AKR1C3: variants seen among roughly 807,000 people sequenced by gnomAD.
AKR1C3 encodes the protein 3-alpha hydroxysteroid dehydrogenase, type II.
In AKR1C3, 48 loss-of-function variants were observed where a neutral mutation model predicts 43.6. That is an observed-to-expected ratio of 1.10 (90% confidence interval 0.87 to 1.40). The LOEUF (loss-of-function observed/expected upper bound fraction) is 1.40, where lower values mean the gene tolerates loss of function less well. Among genes scored for constraint, AKR1C3 ranks in the 40% most tolerant of loss-of-function variants. The pLI, the probability that AKR1C3 is intolerant of heterozygous loss-of-function variation, is 0.00. For missense variants in AKR1C3, 482 were observed against 391.2 expected, an observed-to-expected ratio of 1.23 and a Z score of -1.96; for synonymous variants, 162 against 139.6, an observed-to-expected ratio of 1.16 and a Z score of -1.13.
At chr10:5,059,626 C>T (rs140153888) in intron 1 of AKR1C3, among the ~76,000 whole-genome samples, 3,880 of 152,220 alleles carry the variant, frequency 0.025, 146 homozygotes, top group African/African-American at 0.088. Flanking sequence ...GTCCAGCGGC[C>T]GCACTAGTCC....
intron 5 of AKR1C3, 99 bp from the exon 6 acceptor site, chr10:5,102,002 G>A: frequency 4.0e-6 from 3 of 756,256 alleles, no homozygotes; most frequent in Non-Finnish European, 6.8e-6. Flanking sequence ...CAAATATAAT[G>A]CTATACTGAT....
chr10:5,074,516 G>A (rs559708661), intron 1 of AKR1C3, among the ~76,000 whole-genome samples: 46 of 152,216 alleles, frequency 3.0e-4, no homozygotes, highest in Admixed American at 6.5e-4. Context: ...ATTAACTGAC[G>A]GTCTGACATC....
rs182014382 is a variant in AKR1C3, at chr10:5,058,341, T to C, written c.84+9446T>C. On this transcript the variant is annotated intron_variant, in intron 1 of 8. Transcript: ENST00000439082. The stretch of plus-strand genomic sequence containing the variant: ...AAAGGTCAAGCTCTGCAGGATAGTA[T>C]TGTAATTTGTACTTCCCTCAGGTGG... 2.2e-3 allele frequency among the ~76,000 whole-genome samples: 333 copies of C among 152,148 alleles called. 2 individuals carry two copies. The highest frequency in any genetic ancestry group is 7.8e-3 in the African/African-American group (324 of 41,416).
rs587774943 is a variant in AKR1C3, at chr10:5,107,620, G to T, written c.*117G>T. On this transcript the variant is annotated 3_prime_UTR_variant, in exon 9 of 9. Transcript: ENST00000380554. ...TCTACTTAAATCCGTCCTGTTTAGC[G>T]ACTTCAGTCAACTACAGCTGAGTCC... The T allele has an allele frequency of 4.0e-6, 3 of 748,248 alleles. No homozygotes were observed. The South Asian group carries it at 5.3e-5, about 13-fold the overall frequency. 46.4% of individuals were successfully genotyped at this position (748,248 alleles called of 1,614,324 possible). A position where few individuals can be genotyped will look rare whatever the true frequency, so the allele number is the denominator to read the frequency against.
rs373299522 is a variant in AKR1C3, at chr10:5,096,204, A to G, written c.85-206A>G. 143 of 543,816 alleles carry G rather than the reference A, an allele frequency of 2.6e-4. 1 individual carries two copies. In the East Asian group the frequency reaches 3.8e-3, roughly 14 times the overall value. 33.7% of individuals were successfully genotyped at this position (543,816 alleles called of 1,614,324 possible). ...TTTGGTACCTCCATAACAGTGATCA[A>G]CCAGAGATTGCCTGAGACTGAAGGT... On this transcript the variant is annotated intron_variant, in intron 1 of 8. Coordinates refer to ENST00000380554, the MANE Select transcript of AKR1C3 (RefSeq NM_003739.6).
chr10:5,093,143 C>T (rs782013054), upstream of AKR1C3, among the ~76,000 whole-genome samples: 6 of 151,976 alleles, frequency 3.9e-5, no homozygotes, highest in South Asian at 2.1e-4. Flanking sequence ...ATGGGTTAGA[C>T]GGACTATTGC....
rs180721796 is a variant in AKR1C3, at chr10:5,058,666, G to A, written c.84+9771G>A. Among the ~76,000 whole-genome samples the A allele has an allele frequency of 3.3e-5, 5 of 152,282 alleles. No individual in the cohort carries two copies. The East Asian group carries it at 5.8e-4, about 18-fold the overall frequency. On this transcript the variant is annotated intron_variant, in intron 1 of 8. Coordinates refer to the AKR1C3 transcript ENST00000439082. ...CAACCCCTGCCCAAGAACCTGCAAT[G>A]GTCCGTGGACCCTGCTGGTTGGAAT...
chr10:5,106,538 G>A (rs1839504318), intron 8 of AKR1C3, among the ~76,000 whole-genome samples: 1 of 152,096 alleles, frequency 6.6e-6, no homozygotes, highest in Admixed American at 6.6e-5. Context: ...ATCGACTGAG[G>A]TCAGGAGTTC....
upstream of AKR1C3, among the ~76,000 whole-genome samples, chr10:5,091,811 G>T (rs1162325507): frequency 1.3e-5 from 2 of 152,016 alleles, no homozygotes; most frequent in East Asian, 1.9e-4. Flanking sequence ...TATTTTAAAC[G>T]TTGAAGAAGT....
At chr10:5,074,588 T>C (rs1554781630) in intron 1 of AKR1C3, among the ~76,000 whole-genome samples, 2 of 152,222 alleles carry the variant, frequency 1.3e-5, no homozygotes, top group African/African-American at 2.4e-5. Flanking sequence ...CTGTGAGGTT[T>C]CATTGACATA....
intron 2 of AKR1C3, 88 bp downstream of exon 2, chr10:5,096,665 G>A: frequency 6.9e-7 from 1 of 1,454,914 alleles, no homozygotes; most frequent in South Asian, 1.7e-5. Context: ...AGTAGTTGTG[G>A]GTGAATTTTG....
intron 1 of AKR1C3, among the ~76,000 whole-genome samples, chr10:5,052,140 T>C (rs1203550530): frequency 6.6e-6 from 1 of 152,118 alleles, no homozygotes; most frequent in African/African-American, 2.4e-5. Context: ...CATGGTCGCG[T>C]TGGCTCAGGA....
chr10:5,102,733 T>C (rs1839389133), intron 7 of AKR1C3, 83 bp downstream of exon 7: 1 of 1,485,100 alleles, frequency 6.7e-7, no homozygotes, highest in East Asian at 2.4e-5. Flanking sequence ...CAGGACAGCC[T>C]TGGGCCAGCT....
intron 1 of AKR1C3, among the ~76,000 whole-genome samples, chr10:5,059,242 T>A (rs1311148332): frequency 2.0e-5 from 3 of 152,164 alleles, no homozygotes; most frequent in African/African-American, 7.2e-5. Context: ...TAGAAGTCAT[T>A]CTTATGGGAG....
At chr10:5,071,571 C>T (rs1838613151) in intron 1 of AKR1C3, among the ~76,000 whole-genome samples, 1 of 152,178 alleles carries the variant, frequency 6.6e-6, no homozygotes, top group Non-Finnish European at 1.5e-5. Context: ...AAATAGGCCT[C>T]GCCTTGGTCT....
At chr10:5,080,722 A>G (rs1012551080) in intron 1 of AKR1C3, 1 of 152,264 alleles carries the variant, frequency 6.6e-6, no homozygotes, top group Non-Finnish European at 1.5e-5. Flanking sequence ...GGAAGCCACT[A>G]TCTGTGTCTC....
chr10:5,107,475 C>A lies in AKR1C3; in HGVS notation c.944C>A (p.Pro315His), dbSNP rs782180550. Reference sequence around the variant, plus strand: ...TCTCTTTTCAGTTTTGCTAGCCACCCTAATTATCCATATTCAGATGAATAT... The same window carrying A: ...TCTCTTTTCAGTTTTGCTAGCCACCATAATTATCCATATTCAGATGAATAT... The part of the protein sequence containing the change: ...YFNSDSFASH[P>H]NYPYSDEY Residue 315 changes from proline (P) to histidine (H), a missense_variant, in exon 9 of 9, where the codon CCT (proline) becomes CAT (histidine). Transcript: ENST00000380554. 5 of 1,584,214 alleles carry A rather than the reference C, an allele frequency of 3.2e-6. No homozygotes were observed. In the South Asian group the frequency reaches 3.3e-5, roughly 11 times the overall value.
chr10:5,085,090 C>T (rs1315568630), intron 1 of AKR1C3, among the ~76,000 whole-genome samples: 75 of 152,084 alleles, frequency 4.9e-4, no homozygotes, highest in African/African-American at 1.7e-3. Flanking sequence ...GCCTGATTGC[C>T]CTGGCCAGAA....
rs543379728 is a variant in AKR1C3 at position 5,055,424 on chromosome 10, T to C, written c.84+6529T>C. On this transcript the variant is annotated intron_variant, in intron 1 of 8. Transcript: ENST00000439082. ...AGTGCCTAGTATCTAAGTAGGCAGT[T>C]GTCTGACAGCCATAAACTTCCTTTG... is the stretch of plus-strand genomic sequence containing the variant. Among the ~76,000 whole-genome samples the C allele has an allele frequency of 2.0e-5, 3 of 152,334 alleles. No individual in the cohort carries two copies. The South Asian group carries it at 6.2e-4, about 32-fold the overall frequency.
Sources: allele counts gnomAD v4.1 joint callset (sites outside exome capture counted in the v4.1 genomes callset), GRCh38; gene constraint gnomAD v4.1.1; transcripts MANE v1.5; gene names NCBI Gene and HGNC (gene_info 2026-07-23, HGNC 2026-07-21).